EYS: variants seen among roughly 807,000 people sequenced by gnomAD.
The protein encoded by EYS is protein eyes shut homolog.
In EYS, 250 loss-of-function variants were observed where a neutral mutation model predicts 282.1. That is an observed-to-expected ratio of 0.89 (90% confidence interval 0.80 to 0.98). The LOEUF is 0.98. Ranked by LOEUF, EYS falls within the 50% of genes least tolerant of loss-of-function variation. The pLI is 0.00. For synonymous variants in EYS, 1,355 were observed against 1,282.9 expected (o/e 1.06, Z -1.20); for missense variants, 4,016 against 3,709.0 (o/e 1.08, Z -2.15).
intron 30 of EYS, among the ~76,000 whole-genome samples, chr6:64,304,816 A>T (rs2150374678): frequency 6.6e-6 from 1 of 152,328 alleles, no homozygotes; most frequent in South Asian, 2.1e-4. Context: ...GAAAATAGAG[A>T]CAAATAAAAA....
intron 12 of EYS, among the ~76,000 whole-genome samples, chr6:65,213,071 G>A (rs1766214395): frequency 6.6e-6 from 1 of 151,830 alleles, no homozygotes; most frequent in Admixed American, 6.6e-5. Flanking sequence ...TTTATAGTGA[G>A]GCATGTTATT....
intron 2 of EYS, among the ~76,000 whole-genome samples, chr6:65,559,274 A>G (rs1217801586): frequency 6.6e-6 from 1 of 152,152 alleles, no homozygotes; most frequent in Non-Finnish European, 1.5e-5. Flanking sequence ...CCCAGATACT[A>G]CAAAGGCTGA....
At chr6:64,195,920 G>T (rs940569825) in intron 31 of EYS, among the ~76,000 whole-genome samples, 45 of 152,056 alleles carry the variant, frequency 3.0e-4, no homozygotes, top group African/African-American at 1.1e-3. Flanking sequence ...AAGAGCTTCT[G>T]CACAGCAAAA....
At chr6:64,335,111 C>T (rs894925132) in intron 29 of EYS, among the ~76,000 whole-genome samples, 2 of 151,998 alleles carry the variant, frequency 1.3e-5, no homozygotes, top group Non-Finnish European at 2.9e-5. Flanking sequence ...AACTGTAGTG[C>T]TCTTTACTAA....
At chr6:64,798,588 G>A (rs1376571545) in intron 22 of EYS, among the ~76,000 whole-genome samples, 2 of 144,682 alleles carry the variant, frequency 1.4e-5, no homozygotes, top group African/African-American at 2.5e-5. Context: ...GATTCATTCT[G>A]CCTGTTTCTT....
intron 12 of EYS, among the ~76,000 whole-genome samples, chr6:65,221,818 C>T (rs758505414): frequency 6.6e-6 from 1 of 152,164 alleles, no homozygotes. Flanking sequence ...GGGCTGTACC[C>T]TGCAAAGCCA....
At chr6:65,495,834 T>A (rs1766236321) in intron 3 of EYS, 25 bp downstream of exon 3, 1 of 185,650 alleles carries the variant, frequency 5.4e-6, no homozygotes, top group Admixed American at 5.4e-5. Context: ...TCTGGTTTCA[T>A]GACATAATTA....
At position 65,091,271 on chromosome 6, in the gene EYS, TAA is replaced by T. The variant is rs397887871; in HGVS notation, c.2024-33546_2024-33545del. On this transcript the variant is annotated intron_variant, in intron 12 of 42. Transcript: ENST00000503581. The stretch of plus-strand genomic sequence containing the variant: ...CAACATGGTGAAACCCCATCTCCCC[TAA>T]AAAAAAAAAAAAAAAAAAAAAAACA... Among the ~76,000 whole-genome samples the T allele has an allele frequency of 1.1e-3, 61 of 56,438 alleles. 1 individual carries two copies. Among genetic ancestry groups the T allele is most frequent in the Middle Eastern group, 0.019 (2 of 104 alleles). 37.0% of individuals were successfully genotyped at this position (56,438 alleles called of 152,430 possible). A position where few individuals can be genotyped will look rare whatever the true frequency, so the allele number is the denominator to read the frequency against.
chr6:65,218,221 A>C (rs1766365371), intron 12 of EYS, among the ~76,000 whole-genome samples: 1 of 152,130 alleles, frequency 6.6e-6, no homozygotes, highest in South Asian at 2.1e-4. Flanking sequence ...GTTATAAAGC[A>C]GAAAGTGTTT....
intron 30 of EYS, among the ~76,000 whole-genome samples, chr6:64,250,227 A>G (rs1767162791): frequency 6.6e-6 from 1 of 152,200 alleles, no homozygotes; most frequent in Non-Finnish European, 1.5e-5. Context: ...TGGAAACTTG[A>G]GCACATGAAC....
intron 37 of EYS, chr6:63,797,241 A>G (rs1388743968): frequency 6.6e-6 from 1 of 152,218 alleles, no homozygotes; most frequent in Admixed American, 6.5e-5. Flanking sequence ...GTGAAATTAG[A>G]TATGAATGAA....
Position 65,223,850 on chromosome 6 carries a change from A to G in EYS, c.2023+72013T>C, listed in dbSNP as rs142902564. 7.0e-3 allele frequency among the ~76,000 whole-genome samples: 1,063 copies of G among 152,276 alleles called. 10 individuals are homozygous for G. Among genetic ancestry groups the G allele is most frequent in the African/African-American group, 0.024 (1,012 of 41,570 alleles). ...TGTGGTACCAGTTGGTCCACCACAT[A>G]TAAGACTGTACTCAACCTGGGCAGC... is the stretch of plus-strand genomic sequence containing the variant. On this transcript the variant is annotated intron_variant, in intron 12 of 42. Coordinates refer to ENST00000503581, the MANE Select transcript of EYS (RefSeq NM_001142800.2).
intron 5 of EYS, among the ~76,000 whole-genome samples, chr6:65,473,754 T>C (rs775124990): frequency 2.0e-5 from 3 of 151,792 alleles, no homozygotes; most frequent in South Asian, 2.1e-4. Context: ...TGGGGTGACA[T>C]TGAAGTCCTT....
chr6:64,958,485 C>T (rs1303239019), intron 14 of EYS, among the ~76,000 whole-genome samples: 3 of 152,202 alleles, frequency 2.0e-5, no homozygotes, highest in East Asian at 1.9e-4. Context: ...CGGTGGCTCA[C>T]GCCTGTAATC....
intron 36 of EYS, among the ~76,000 whole-genome samples, chr6:63,863,336 T>A (rs1772581650): frequency 6.6e-6 from 1 of 152,194 alleles, no homozygotes; most frequent in African/African-American, 2.4e-5. Flanking sequence ...TAGAGCATCT[T>A]GCAGCTTTTT....
chr6:64,537,113 C>T (rs1322694953), intron 26 of EYS, among the ~76,000 whole-genome samples: 3 of 149,734 alleles, frequency 2.0e-5, no homozygotes, highest in Admixed American at 6.6e-5. Flanking sequence ...CCCACTAACT[C>T]GTCATCTAGC....
chr6:64,654,391 G>A (rs1199207618), intron 22 of EYS, among the ~76,000 whole-genome samples: 1 of 152,136 alleles, frequency 6.6e-6, no homozygotes, highest in African/African-American at 2.4e-5. Flanking sequence ...TTGTCTAGAG[G>A]GAAAGACAGG....
intron 31 of EYS, among the ~76,000 whole-genome samples, chr6:64,145,798 T>C (rs551321836): frequency 6.6e-6 from 1 of 152,258 alleles, no homozygotes; most frequent in South Asian, 2.1e-4. Flanking sequence ...TCCTCTTTAT[T>C]CCTCTTTCTC....
intron 26 of EYS, among the ~76,000 whole-genome samples, chr6:64,529,502 T>C (rs1764248094): frequency 1.3e-5 from 2 of 152,132 alleles, no homozygotes; most frequent in East Asian, 1.9e-4. Flanking sequence ...CCCAAGAACA[T>C]TGACATTAAA....
Sources: allele counts gnomAD v4.1 joint callset (sites outside exome capture counted in the v4.1 genomes callset), GRCh38; gene constraint gnomAD v4.1.1; transcripts MANE v1.5; gene names NCBI Gene and HGNC (gene_info 2026-07-23, HGNC 2026-07-21).